DHRSX: variants seen among roughly 807,000 people sequenced by gnomAD.
DHRSX encodes polyprenol dehydrogenase.
A neutral mutation model predicts 34.0 loss-of-function variants in DHRSX; 31 were observed. The observed-to-expected ratio is 0.91, with a 90% CI of 0.69 to 1.23. The LOEUF (loss-of-function observed/expected upper bound fraction) is 1.23, where lower values mean the gene tolerates loss of function less well. Among genes scored for constraint, DHRSX ranks in the 50% most tolerant of loss-of-function variants. The probability of loss-of-function intolerance (pLI) is 0.00; values close to 1 mark genes in which losing one functional copy is unlikely to be tolerated. For synonymous variants in DHRSX, 201 were observed against 183.8 expected, an observed-to-expected ratio of 1.09 and a Z score of -0.76; for missense variants, 414 against 428.1, an observed-to-expected ratio of 0.97 and a Z score of 0.29.
intron 5 of DHRSX, among the ~76,000 whole-genome samples, chrX:2,243,659 T>C (rs1949909132): frequency 6.6e-6 from 1 of 151,770 alleles, no homozygotes; most frequent in African/African-American, 2.4e-5. Context: ...GCTAATTTTT[T>C]GTATTTTCAG....
intron 1 of DHRSX, among the ~76,000 whole-genome samples, chrX:2,499,692 G>A (rs1347148208): frequency 1.3e-5 from 2 of 151,676 alleles, no homozygotes; most frequent in Non-Finnish European, 2.9e-5. Flanking sequence ...GGATTGCTTC[G>A]GCCCATGAGT....
rs1556457302 is a variant in DHRSX, at chrX:2,298,616, A to ACACACACACACACACG, written c.287-7014_287-7013insCGTGTGTGTGTGTGTG. Among the ~76,000 whole-genome samples, 282 of 138,374 alleles carry ACACACACACACACACG rather than the reference A, an allele frequency of 2.0e-3. 31 individuals are homozygous for ACACACACACACACACG. The highest frequency in any genetic ancestry group is 8.9e-3 in the African/African-American group (268 of 29,984). The allele number at this position is 138,374 out of a possible 152,430, so 90.8% of individuals were successfully genotyped here. A position where few individuals can be genotyped will look rare whatever the true frequency, so the allele number is the denominator to read the frequency against. On this transcript the variant is annotated intron_variant, in intron 3 of 6. Coordinates refer to ENST00000334651, the MANE Select transcript of DHRSX (RefSeq NM_145177.3). Reference sequence around the variant, plus strand: ...GGCGCGTGTGTACACACACACACACACACACACACACACACACACACGAGG... The same window carrying ACACACACACACACACG: ...GGCGCGTGTGTACACACACACACACACACACACACACACACGCACACACACACACACACACACGAGG...
At chrX:2,236,150 AC>A (rs776661434) in intron 6 of DHRSX, among the ~76,000 whole-genome samples, 514 of 152,168 alleles carry the variant, frequency 3.4e-3, no homozygotes, top group African/African-American at 0.012. Flanking sequence ...ATAAATCCGC[AC>A]CTGTACTCCT....
chrX:2,295,987 G>C (rs1229023387), intron 3 of DHRSX, among the ~76,000 whole-genome samples: 1 of 151,988 alleles, frequency 6.6e-6, no homozygotes, highest in African/African-American at 2.4e-5. Flanking sequence ...AGAGATGCTT[G>C]TGTGCCTCAC....
Position 2,455,165 on chromosome X carries a change from G to A in DHRSX, c.110-29861C>T, listed in dbSNP as rs1249364362. On this transcript the variant is annotated intron_variant, in intron 1 of 6. Coordinates refer to ENST00000334651, the MANE Select transcript of DHRSX (RefSeq NM_145177.3). ...TTGCAGGAACCTGCATGGAGGTGGA[G>A]GCCATTATCCTTAGCAAACTTACAC... Among the ~76,000 whole-genome samples the A allele has an allele frequency of 3.3e-5, 5 of 151,306 alleles. 1 individual carries two copies. In the South Asian group the frequency reaches 1.0e-3, roughly 31 times the overall value.
chrX:2,292,263 G>T (rs1385147413), intron 3 of DHRSX, among the ~76,000 whole-genome samples: 1 of 152,180 alleles, frequency 6.6e-6, no homozygotes, highest in Non-Finnish European at 1.5e-5. Context: ...CTGGCCAAAA[G>T]CCAGCAAGAT....
intron 3 of DHRSX, among the ~76,000 whole-genome samples, chrX:2,395,194 G>A (rs1209730578): frequency 2.0e-5 from 3 of 152,074 alleles, no homozygotes; most frequent in South Asian, 2.1e-4. Flanking sequence ...TCCTTGGAAC[G>A]AGTCTGTTCA....
intron 1 of DHRSX, among the ~76,000 whole-genome samples, chrX:2,450,765 T>C (rs1442841092): frequency 6.6e-6 from 1 of 152,022 alleles, no homozygotes; most frequent in Non-Finnish European, 1.5e-5. Context: ...ACTGTATGTT[T>C]TTAAAGAATG....
At chrX:2,317,361 T>G (rs957341443) in intron 3 of DHRSX, among the ~76,000 whole-genome samples, 1 of 150,202 alleles carries the variant, frequency 6.7e-6, no homozygotes, top group African/African-American at 2.5e-5. Flanking sequence ...AGATGATTCT[T>G]CTGCCTCACT....
chrX:2,221,948 A>C (rs1046108542), intron 6 of DHRSX, among the ~76,000 whole-genome samples: 2 of 152,188 alleles, frequency 1.3e-5, no homozygotes, highest in African/African-American at 4.8e-5. Flanking sequence ...GCAATAATCC[A>C]GGAACCAACA....
chrX:2,491,327 C>G (rs1251445832), intron 1 of DHRSX, among the ~76,000 whole-genome samples: 1 of 152,202 alleles, frequency 6.6e-6, no homozygotes, highest in East Asian at 1.9e-4. Flanking sequence ...GCCTTGGCCT[C>G]CCAAAGTGCT....
chrX:2,318,063 G>T (rs746043260), intron 3 of DHRSX, among the ~76,000 whole-genome samples: 1 of 152,178 alleles, frequency 6.6e-6, no homozygotes, highest in South Asian at 2.1e-4. Flanking sequence ...TAGTCCTGAA[G>T]GCCAGGTGCA....
intron 1 of DHRSX, among the ~76,000 whole-genome samples, chrX:2,480,516 TAA>T (rs11361866): frequency 0.22 from 31,667 of 141,430 alleles, 3,824 homozygotes; most frequent in South Asian, 0.36. Context: ...ACCGCATCTT[TAA>T]AAAAAAAAAA....
intron 5 of DHRSX, among the ~76,000 whole-genome samples, chrX:2,266,305 C>T (rs1287449828): frequency 5.0e-5 from 7 of 140,822 alleles, no homozygotes; most frequent in Admixed American, 7.0e-5. Flanking sequence ...AGCACCGTCC[C>T]CAGAGCACCA....
intron 3 of DHRSX, among the ~76,000 whole-genome samples, chrX:2,323,940 C>T (rs2042343956): frequency 6.6e-6 from 1 of 151,358 alleles, no homozygotes; most frequent in Admixed American, 6.6e-5. Flanking sequence ...ACCTGTCATC[C>T]CAGCTACTTG....
intron 6 of DHRSX, among the ~76,000 whole-genome samples, chrX:2,237,453 G>C (rs975713189): frequency 2.0e-5 from 3 of 152,006 alleles, no homozygotes; most frequent in African/African-American, 7.2e-5. Context: ...GGACTTGCTG[G>C]ACATGAGCCC....
chrX:2,227,092 GC>G (rs2015683092), intron 6 of DHRSX, among the ~76,000 whole-genome samples: 1 of 151,978 alleles, frequency 6.6e-6, no homozygotes, highest in Non-Finnish European at 1.5e-5. Flanking sequence ...GGAGCACCCT[GC>G]ACCTGCACCC....
At chrX:2,457,104 T>C (rs1470470550) in intron 1 of DHRSX, among the ~76,000 whole-genome samples, 2 of 151,854 alleles carry the variant, frequency 1.3e-5, no homozygotes, top group Non-Finnish European at 2.9e-5. Flanking sequence ...AATGAAGAAA[T>C]AAAAGCAGCT....
At chrX:2,466,514 T>C (rs2044498394) in intron 1 of DHRSX, among the ~76,000 whole-genome samples, 1 of 152,114 alleles carries the variant, frequency 6.6e-6, no homozygotes, top group Non-Finnish European at 1.5e-5. Context: ...GCCATTATCC[T>C]TAGCAAACTC....
Sources: allele counts gnomAD v4.1 joint callset (sites outside exome capture counted in the v4.1 genomes callset), GRCh38; gene constraint gnomAD v4.1.1; transcripts MANE v1.5; gene names NCBI Gene and HGNC (gene_info 2026-07-23, HGNC 2026-07-21).